The following MFSD11 variants were observed in gnomAD, a reference collection of about 807,000 sequenced individuals.
The protein encoded by MFSD11 is UNC93-like protein MFSD11.
In MFSD11, 36 loss-of-function variants were observed where a neutral mutation model predicts 53.5. The ratio of observed to expected loss-of-function variants is 0.67; its 90% CI spans 0.52 to 0.89. The LOEUF (loss-of-function observed/expected upper bound fraction) is 0.89. Ranked by LOEUF, MFSD11 falls within the 40% of genes least tolerant of loss-of-function variation. The probability of loss-of-function intolerance (pLI) is 0.00; values close to 1 mark genes in which losing one functional copy is unlikely to be tolerated. For synonymous variants in MFSD11, 186 were observed against 184.9 expected (o/e 1.01, Z -0.05); for missense variants, 530 against 543.9 (o/e 0.97, Z 0.25).
At chr17:76,753,384 C>T (rs1232538607) in intron 7 of MFSD11, among the ~76,000 whole-genome samples, 2 of 152,086 alleles carry the variant, frequency 1.3e-5, no homozygotes, top group Non-Finnish European at 2.9e-5. Context: ...TTGAAGGTAA[C>T]AGGATAGGCC....
chr17:76,737,322 A>T (rs2077564991), upstream of MFSD11: 8 of 926,286 alleles, frequency 8.6e-6, no homozygotes, highest in Non-Finnish European at 1.2e-5. Flanking sequence ...AGCGCACCTG[A>T]GTAACAACTG....
At chr17:76,781,740 G>T (rs1336371575), downstream of MFSD11, among the ~76,000 whole-genome samples, 1 of 152,170 alleles carries the variant, frequency 6.6e-6, no homozygotes, top group African/African-American at 2.4e-5. Flanking sequence ...GAAGTGAAGT[G>T]CTGTGTGCAG....
At chr17:76,788,427 A>G in the MFSD11 span, among the ~76,000 whole-genome samples, 5 of 148,974 alleles carry the variant, frequency 3.4e-5, 1 homozygote, top group South Asian at 1.1e-3. Context: ...GTGCAATGGC[A>G]TGATCTTGGC....
At chr17:76,755,798 ATATATATATATATATT>A in intron 8 of MFSD11, among the ~76,000 whole-genome samples, 1 of 20,118 alleles carries the variant, frequency 5.0e-5, no homozygotes, top group Non-Finnish European at 1.1e-4. Context: ...ATACATATAT[ATATATATATATATATT>A]TTTTTTTTTT....
chr17:76,755,791 CATATATATATATATAT>C lies in MFSD11; in HGVS notation c.682+1711_682+1726del, dbSNP rs71158064. Reference sequence around the variant, plus strand: ...GTACGTGTGTGTGTGTGTGTGTATACATATATATATATATATATATATTTTTTTTTTTTTTTTTTTT... The same window carrying C: ...GTACGTGTGTGTGTGTGTGTGTATACATATATTTTTTTTTTTTTTTTTTTT... On this transcript the variant is annotated intron_variant, in intron 8 of 12. Coordinates refer to ENST00000685175, the MANE Select transcript of MFSD11 (RefSeq NM_001242532.5). Among the ~76,000 whole-genome samples the C allele has an allele frequency of 2.9e-3, 46 of 16,106 alleles. 1 individual carries two copies. Among genetic ancestry groups the C allele is most frequent in the Admixed American group, 8.6e-3 (6 of 696 alleles). 10.6% of individuals were successfully genotyped at this position (16,106 alleles called of 152,430 possible).
chr17:76,755,799 TATATATATATA>T (rs2079536249), intron 8 of MFSD11, among the ~76,000 whole-genome samples: 2 of 25,440 alleles, frequency 7.9e-5, no homozygotes, highest in Non-Finnish European at 1.8e-4. Context: ...TACATATATA[TATATATATATA>T]TATTTTTTTT....
Position 76,776,342 on chromosome 17 carries a change from C to A in MFSD11, c.1050-64C>A. 2 of 1,544,454 alleles carry A rather than the reference C, an allele frequency of 1.3e-6. No individual in the cohort carries two copies. The highest frequency in any genetic ancestry group is 2.4e-5 in the South Asian group (2 of 84,328). On this transcript the variant is annotated intron_variant, in intron 11 of 12. Coordinates refer to ENST00000685175, the MANE Select transcript of MFSD11 (RefSeq NM_001242532.5). The surrounding 1 kb of genome is among the most constrained non-coding windows in gnomAD (Gnocchi z 4.2). Reference sequence around the variant, plus strand: ...GTAGAATTCTTTTGTGGGTGGGTTGCTTGTATATTTTAAATGGCTCTAGCA... The same window carrying A: ...GTAGAATTCTTTTGTGGGTGGGTTGATTGTATATTTTAAATGGCTCTAGCA...
In MFSD11 at chr17:76,738,126, T is replaced by G. The variant is rs1457893151; in HGVS notation, c.-227T>G. ...GGCGCTTCTCCGGGGGTTGTGCTCTTCCGTACTCGGATCGCTTCTTAGGAG... is the reference window on the plus strand; with the variant it reads ...GGCGCTTCTCCGGGGGTTGTGCTCTGCCGTACTCGGATCGCTTCTTAGGAG... On this transcript the variant is annotated 5_prime_UTR_variant, in exon 1 of 13. Coordinates refer to ENST00000685175, the MANE Select transcript of MFSD11 (RefSeq NM_001242532.5). 1.8e-6 allele frequency: 1 copy of G among 563,498 alleles called. No homozygotes were observed. Among genetic ancestry groups the G allele is most frequent in the East Asian group, 2.9e-5 (1 of 34,250 alleles). 34.9% of individuals were successfully genotyped at this position (563,498 alleles called of 1,614,324 possible).
At chr17:76,785,466 AG>A (rs1415784894), downstream of MFSD11, among the ~76,000 whole-genome samples, 2 of 151,894 alleles carry the variant, frequency 1.3e-5, no homozygotes, top group African/African-American at 4.8e-5. Flanking sequence ...CCTTCCGAGT[AG>A]CTTGGGACCA....
chr17:76,802,461 C>G, the MFSD11 span, among the ~76,000 whole-genome samples: 19 of 152,192 alleles, frequency 1.2e-4, no homozygotes, highest in Non-Finnish European at 2.8e-4. Context: ...GCAACTCTAA[C>G]TCTTAGAAAT....
chr17:76,762,313 T>G (rs2080335856), intron 8 of MFSD11, among the ~76,000 whole-genome samples: 2 of 152,212 alleles, frequency 1.3e-5, no homozygotes, highest in African/African-American at 2.4e-5. Flanking sequence ...ATTTTATGTA[T>G]TATGAGTTTC....
At chr17:76,797,450 G>C in the MFSD11 span, among the ~76,000 whole-genome samples, 2 of 152,152 alleles carry the variant, frequency 1.3e-5, no homozygotes, top group Admixed American at 1.3e-4. Flanking sequence ...GTGTCTATTA[G>C]TATGCTAATA....
chr17:76,798,886 G>C, the MFSD11 span, among the ~76,000 whole-genome samples: 2 of 151,758 alleles, frequency 1.3e-5, no homozygotes, highest in Non-Finnish European at 2.9e-5. Context: ...AATTAGCCAG[G>C]CATGGTGGCA....
intron 8 of MFSD11, 94 bp downstream of exon 8, chr17:76,754,181 A>G: frequency 2.0e-6 from 2 of 984,554 alleles, no homozygotes; most frequent in Non-Finnish European, 3.1e-6. Context: ...GATTGATGAC[A>G]CCCCAGGGTT....
chr17:76,737,350 T>C, upstream of MFSD11: 1 of 711,766 alleles, frequency 1.4e-6, no homozygotes, highest in Admixed American at 3.1e-5. Flanking sequence ...AGCCGGCCTC[T>C]GCGCCCGTTT....
chr17:76,736,847 G>A (rs1281613831), upstream of MFSD11: 1 of 1,605,408 alleles, frequency 6.2e-7, no homozygotes, highest in Non-Finnish European at 8.5e-7. Context: ...GCGGGGTGGC[G>A]GTCCCCGGCG....
At chr17:76,777,130 T>C (rs2081913749) in intron 12 of MFSD11, among the ~76,000 whole-genome samples, 1 of 151,974 alleles carries the variant, frequency 6.6e-6, no homozygotes, top group African/African-American at 2.4e-5. Context: ...TAGCCGGGCG[T>C]GGTGGCACGT....
intron 2 of MFSD11, among the ~76,000 whole-genome samples, chr17:76,739,458 A>G (rs2077839907): frequency 1.3e-5 from 2 of 152,214 alleles, no homozygotes; most frequent in African/African-American, 4.8e-5. Flanking sequence ...ATTAGTCCCA[A>G]TTTTACAGAT....
chr17:76,775,781 C>T (rs1029936180), intron 11 of MFSD11, among the ~76,000 whole-genome samples: 5 of 152,068 alleles, frequency 3.3e-5, no homozygotes, highest in Admixed American at 1.3e-4. Flanking sequence ...ATTAAAAATA[C>T]CTAACTGGTC....
Sources: gnomAD v4.1 joint callset for allele counts (sites outside exome capture counted in the v4.1 genomes callset) on GRCh38, gnomAD v4.1.1 for gene constraint, Gnocchi (gnomAD v3.1) non-coding constraint, MANE v1.5 for transcripts, NCBI Gene and HGNC (gene_info 2026-07-23, HGNC 2026-07-21) for gene names.